Variants in NXNL2 observed in about 807,000 individuals in gnomAD.
NXNL2 encodes the protein nucleoredoxin like 2.
NXNL2 carries 7 observed loss-of-function variants against 11.1 expected under a neutral mutation model. The observed-to-expected ratio is 0.63, with a 90% CI of 0.36 to 1.18. NXNL2 has a LOEUF of 1.18. Ranked by LOEUF, NXNL2 falls within the 50% of genes most tolerant of loss-of-function variation. The pLI, the probability that NXNL2 is intolerant of heterozygous loss-of-function variation, is 0.02. For missense variants in NXNL2, 233 were observed against 217.7 expected (o/e 1.07, Z -0.44); for synonymous variants, 109 against 101.8 (o/e 1.07, Z -0.42).
intron 1 of NXNL2, among the ~76,000 whole-genome samples, chr9:88,550,952 T>C (rs1397873393): frequency 6.6e-6 from 1 of 152,208 alleles, no homozygotes; most frequent in African/African-American, 2.4e-5. Context: ...AGGTTGCTTA[T>C]TTACTTCTCA....
intron 1 of NXNL2, among the ~76,000 whole-genome samples, chr9:88,582,611 T>TCTTCCTTCCTTCCTTC (rs546216874): frequency 6.6e-6 from 1 of 151,378 alleles, no homozygotes; most frequent in Non-Finnish European, 1.5e-5. Flanking sequence ...TTCCTTCCTT[T>TCTTCCTTCCTTCCTTC]CTTCCTTCCT....
At chr9:88,535,873 C>A (rs1829606837) in intron 1 of NXNL2, 137 bp downstream of exon 1, 1 of 691,164 alleles carries the variant, frequency 1.4e-6, no homozygotes, top group Non-Finnish European at 2.4e-6. Context: ...CACGTCCGGA[C>A]TCCGGTAAAT....
intron 1 of NXNL2, among the ~76,000 whole-genome samples, chr9:88,562,279 G>C (rs530650113): frequency 9.2e-5 from 14 of 152,204 alleles, no homozygotes; most frequent in Non-Finnish European, 2.1e-4. Flanking sequence ...TTGGTGGAGG[G>C]GTGGTTAGAA....
intron 1 of NXNL2, among the ~76,000 whole-genome samples, chr9:88,551,977 A>C (rs947037017): frequency 2.0e-5 from 3 of 152,180 alleles, no homozygotes; most frequent in Non-Finnish European, 4.4e-5. Flanking sequence ...GGTAAGTTCA[A>C]TCACTCAGCA....
intron 1 of NXNL2, among the ~76,000 whole-genome samples, chr9:88,543,105 TTG>T (rs1280432375): frequency 1.3e-5 from 2 of 152,102 alleles, no homozygotes; most frequent in African/African-American, 2.4e-5. Flanking sequence ...ACAAATAATT[TTG>T]TAAAAAGACC....
At chr9:88,560,942 T>C (rs11142341) in intron 1 of NXNL2, among the ~76,000 whole-genome samples, 9,247 of 152,136 alleles carry the variant, frequency 0.061, 872 homozygotes, top group African/African-American at 0.2. Flanking sequence ...AGATGATTCA[T>C]GAGATAGGTG....
chr9:88,576,309 C>T (rs1830347915), downstream of NXNL2, among the ~76,000 whole-genome samples: 2 of 152,244 alleles, frequency 1.3e-5, no homozygotes, highest in Non-Finnish European at 2.9e-5. Flanking sequence ...CTAGACTTCT[C>T]AAGGTTTCTC....
chr9:88,582,763 G>A (rs925968124), intron 1 of NXNL2, among the ~76,000 whole-genome samples: 1 of 151,972 alleles, frequency 6.6e-6, no homozygotes, highest in Admixed American at 6.6e-5. Context: ...CCACCTCCTG[G>A]GTTCAAGCAA....
intron 1 of NXNL2, among the ~76,000 whole-genome samples, chr9:88,560,317 A>G (rs1564073073): frequency 6.6e-6 from 1 of 151,650 alleles, no homozygotes; most frequent in Non-Finnish European, 1.5e-5. Flanking sequence ...GTACTAGACA[A>G]AAACACAAAC....
intron 1 of NXNL2, among the ~76,000 whole-genome samples, chr9:88,557,496 A>C (rs1830033571): frequency 6.6e-6 from 1 of 152,258 alleles, no homozygotes; most frequent in Non-Finnish European, 1.5e-5. Context: ...AAACATATGC[A>C]CAAACAACTT....
intron 1 of NXNL2, among the ~76,000 whole-genome samples, chr9:88,553,901 C>T (rs1451789145): frequency 2.6e-5 from 4 of 152,040 alleles, no homozygotes; most frequent in African/African-American, 9.7e-5. Flanking sequence ...ATCTTTATTC[C>T]TCTTTCCTTA....
intron 2 of NXNL2, among the ~76,000 whole-genome samples, chr9:88,574,515 G>C (rs913629119): frequency 6.6e-6 from 1 of 152,218 alleles, no homozygotes; most frequent in Non-Finnish European, 1.5e-5. Flanking sequence ...GTCATAGGTA[G>C]ATAAGAGACA....
chr9:88,567,545 A>G (rs1417788163), intron 1 of NXNL2, among the ~76,000 whole-genome samples: 1 of 152,204 alleles, frequency 6.6e-6, no homozygotes, highest in Non-Finnish European at 1.5e-5. Context: ...TTTTACTTCA[A>G]TAAATATCCT....
chr9:88,567,019 T>TCTAC (rs1418501623), intron 1 of NXNL2, among the ~76,000 whole-genome samples: 1 of 142,692 alleles, frequency 7.0e-6, no homozygotes, highest in Non-Finnish European at 1.5e-5. Context: ...TATCTATCTA[T>TCTAC]CATCTAATAT....
downstream of NXNL2, among the ~76,000 whole-genome samples, chr9:88,577,307 G>A (rs541821924): frequency 2.6e-5 from 4 of 151,914 alleles, no homozygotes; most frequent in East Asian, 3.9e-4. Flanking sequence ...GGGCGGGGGG[G>A]GCGGCATGAG....
intron 1 of NXNL2, among the ~76,000 whole-genome samples, chr9:88,556,287 G>A (rs1431169274): frequency 2.0e-5 from 3 of 152,192 alleles, no homozygotes; most frequent in Non-Finnish European, 2.9e-5. Context: ...CAGAGGGCAG[G>A]AGGGCTACAG....
chr9:88,577,450 C>A (rs1429857374), downstream of NXNL2, among the ~76,000 whole-genome samples: 1 of 152,072 alleles, frequency 6.6e-6, no homozygotes, highest in Non-Finnish European at 1.5e-5. Context: ...GCTCAGGCTG[C>A]CTCACATGAT....
chr9:88,551,385 T>C (rs1260761041), intron 1 of NXNL2, among the ~76,000 whole-genome samples: 1 of 152,162 alleles, frequency 6.6e-6, no homozygotes, highest in African/African-American at 2.4e-5. Flanking sequence ...TTGTTCTACT[T>C]TTTGAGAGAT....
chr9:88,575,952 T>C (rs1830343779), downstream of NXNL2, among the ~76,000 whole-genome samples: 1 of 152,202 alleles, frequency 6.6e-6, no homozygotes, highest in South Asian at 2.1e-4. Context: ...CCCAGCACTT[T>C]GGGAGACTGA....
Sources: allele counts gnomAD v4.1 joint callset (sites outside exome capture counted in the v4.1 genomes callset), GRCh38; gene constraint gnomAD v4.1.1; transcripts MANE v1.5; gene names NCBI Gene and HGNC (gene_info 2026-07-23, HGNC 2026-07-21).